ALDH1A1: variants seen among roughly 807,000 people sequenced by gnomAD.
ALDH1A1 encodes aldehyde dehydrogenase 1A1.
A neutral mutation model predicts 62.1 loss-of-function variants in ALDH1A1; 19 were observed. The observed-to-expected ratio is 0.31, with a 90% CI of 0.21 to 0.45. ALDH1A1 has a LOEUF of 0.45. Among genes scored for constraint, ALDH1A1 ranks in the 20% least tolerant of loss-of-function variants. The pLI is 1.00. For missense variants in ALDH1A1, 521 were observed against 607.1 expected (o/e 0.86, Z 1.49); for synonymous variants, 231 against 215.9 (o/e 1.07, Z -0.61).
intron 4 of ALDH1A1, 66 bp downstream of exon 4, chr9:72,928,826 T>G: frequency 7.0e-7 from 1 of 1,422,704 alleles, no homozygotes; most frequent in Non-Finnish European, 9.3e-7. Context: ...AGTTTGAAAT[T>G]ATTCAGCTCT....
chr9:72,904,945 C>T (rs1829857233), intron 12 of ALDH1A1, among the ~76,000 whole-genome samples: 1 of 152,142 alleles, frequency 6.6e-6, no homozygotes, highest in Non-Finnish European at 1.5e-5. Flanking sequence ...ATAGCAAGTG[C>T]TTAATAAATG....
At chr9:72,917,174 C>A in intron 8 of ALDH1A1, 70 bp from the exon 9 acceptor site, 1 of 1,192,588 alleles carries the variant, frequency 8.4e-7, no homozygotes, top group Non-Finnish European at 1.1e-6. Flanking sequence ...TTCTCAGAGG[C>A]AACATGGAGA....
chr9:72,942,473 A>G (rs1199411102), intron 1 of ALDH1A1: 1 of 720,438 alleles, frequency 1.4e-6, no homozygotes, highest in Non-Finnish European at 1.7e-6. Context: ...ACAAGTATAA[A>G]AAAGCTTTCC....
chr9:72,907,023 G>A (rs954279356), intron 11 of ALDH1A1, among the ~76,000 whole-genome samples: 36 of 151,976 alleles, frequency 2.4e-4, no homozygotes, highest in Non-Finnish European at 4.3e-4. Context: ...AAACCAGGGT[G>A]GCTTCCAGAT....
In ALDH1A1 at chr9:72,917,073, C is replaced by A. The variant is rs1830075080; in HGVS notation, c.882G>T (p.Gly294=). 1 of 1,607,332 alleles carries A rather than the reference C, an allele frequency of 6.2e-7. No individual in the cohort carries two copies. The highest frequency in any genetic ancestry group is 1.1e-5 in the South Asian group (1 of 89,786). ...LDNAVEFAHH[G]VFYHQGQCCI... ...AACACTGGCCCTGGTGGTAGAATAC[C>A]CCATGGTGTGCAAATTCAACAGCAT... The change falls in exon 9 of 13, where the codon GGG becomes GGT. Residue 294 remains glycine (G), a synonymous_variant. Transcript: ENST00000297785.
chr9:72,953,034 C>T lies in ALDH1A1; in HGVS notation c.-34G>A. ...CGGCTCCTGGAACACAGGTGACTGG[C>T]TCAGCAATTTGGTTCTGATAGAGCA... On this transcript the variant is annotated 5_prime_UTR_variant, in exon 1 of 13. Transcript: ENST00000297785. The T allele has an allele frequency of 6.2e-7, 1 of 1,612,638 alleles. No individual in the cohort carries two copies. The highest frequency in any genetic ancestry group is 8.5e-7 in the Non-Finnish European group (1 of 1,179,000).
intron 9 of ALDH1A1, among the ~76,000 whole-genome samples, chr9:72,912,941 AT>A (rs1830009969): frequency 6.6e-6 from 1 of 152,172 alleles, no homozygotes; most frequent in South Asian, 2.1e-4. Context: ...GTGACATTGA[AT>A]AACTGGGTGA....
chr9:72,902,350 T>TC (rs1259573234), intron 12 of ALDH1A1, among the ~76,000 whole-genome samples: 1 of 152,038 alleles, frequency 6.6e-6, no homozygotes, highest in Non-Finnish European at 1.5e-5. Flanking sequence ...TACAGAAGAA[T>TC]AAGATCTTGA....
intron 7 of ALDH1A1, among the ~76,000 whole-genome samples, chr9:72,921,413 A>G (rs1830140785): frequency 2.0e-5 from 3 of 152,090 alleles, no homozygotes; most frequent in South Asian, 2.1e-4. Flanking sequence ...AAATCCAGAA[A>G]GAAGTTCCAG....
chr9:72,923,013 G>A (rs191127603), intron 7 of ALDH1A1, among the ~76,000 whole-genome samples: 160 of 152,110 alleles, frequency 1.1e-3, no homozygotes, highest in African/African-American at 3.8e-3. Context: ...CTTTATTCTG[G>A]AGTAAATAAT....
intron 10 of ALDH1A1, 63 bp from the exon 11 acceptor site, chr9:72,909,822 C>T (rs1331322795): frequency 1.3e-5 from 18 of 1,399,394 alleles, no homozygotes; most frequent in African/African-American, 5.9e-5. Context: ...TAAATGATAT[C>T]GTAGATTTTT....
At chr9:72,919,632 G>GT in intron 7 of ALDH1A1, among the ~76,000 whole-genome samples, 1 of 152,262 alleles carries the variant, frequency 6.6e-6, no homozygotes, top group East Asian at 1.9e-4. Context: ...TAACAATAAC[G>GT]TATCACTGCA....
At chr9:72,930,318 T>A (rs1419490095) in intron 3 of ALDH1A1, among the ~76,000 whole-genome samples, 1 of 152,204 alleles carries the variant, frequency 6.6e-6, no homozygotes, top group Non-Finnish European at 1.5e-5. Flanking sequence ...TGGATTTTTT[T>A]TATTTTTTGC....
intron 9 of ALDH1A1, among the ~76,000 whole-genome samples, chr9:72,915,510 A>G (rs1431031631): frequency 6.6e-6 from 1 of 152,226 alleles, no homozygotes; most frequent in Admixed American, 6.5e-5. Context: ...GTCAAAACTG[A>G]TTTGAATATA....
At chr9:72,949,606 A>G (rs1830514069) in intron 1 of ALDH1A1, among the ~76,000 whole-genome samples, 1 of 151,610 alleles carries the variant, frequency 6.6e-6, no homozygotes, top group South Asian at 2.1e-4. Flanking sequence ...TTAAACAGTC[A>G]TGGCAGAGTA....
intron 2 of ALDH1A1, among the ~76,000 whole-genome samples, chr9:72,932,266 C>A (rs768284265): frequency 6.6e-5 from 10 of 152,064 alleles, no homozygotes; most frequent in African/African-American, 2.4e-4. Flanking sequence ...AAAGTAATGA[C>A]CCTAGATTTT....
At chr9:72,946,283 C>T (rs1044529343) in intron 1 of ALDH1A1, among the ~76,000 whole-genome samples, 1 of 151,928 alleles carries the variant, frequency 6.6e-6, no homozygotes, top group Non-Finnish European at 1.5e-5. Context: ...CCTTTGACAT[C>T]TAAAAAAGTA....
At chr9:72,911,251 G>A (rs1346103390) in intron 10 of ALDH1A1, among the ~76,000 whole-genome samples, 1 of 152,134 alleles carries the variant, frequency 6.6e-6, no homozygotes, top group East Asian at 1.9e-4. Context: ...GGTAGGGAGT[G>A]ATAGAGGGGA....
intron 12 of ALDH1A1, among the ~76,000 whole-genome samples, chr9:72,905,058 C>A (rs1012566454): frequency 6.6e-6 from 1 of 152,086 alleles, no homozygotes; most frequent in Admixed American, 6.6e-5. Flanking sequence ...TGTTAGAGTA[C>A]GGTACTCAAC....
Sources: gnomAD v4.1 joint callset for allele counts (sites outside exome capture counted in the v4.1 genomes callset) on GRCh38, gnomAD v4.1.1 for gene constraint, MANE v1.5 for transcripts, NCBI Gene and HGNC (gene_info 2026-07-23, HGNC 2026-07-21) for gene names.